INPP4A: variants seen among roughly 807,000 people sequenced by gnomAD.
INPP4A encodes inositol polyphosphate-4-phosphatase type I A.
INPP4A carries 33 observed loss-of-function variants against 119.8 expected under a neutral mutation model. That is an observed-to-expected ratio of 0.28 (90% CI 0.21 to 0.37). The LOEUF (loss-of-function observed/expected upper bound fraction) is 0.37, where lower values mean the gene tolerates loss of function less well. Among genes scored for constraint, INPP4A ranks in the 10% least tolerant of loss-of-function variants. The pLI is 1.00. For missense variants in INPP4A, 956 were observed against 1,289.9 expected (o/e 0.74, Z 3.97); for synonymous variants, 496 against 500.7 (o/e 0.99, Z 0.12).
intron 1 of INPP4A, among the ~76,000 whole-genome samples, chr2:98,445,995 C>T (rs1465880051): frequency 6.6e-6 from 1 of 152,136 alleles, no homozygotes; most frequent in Non-Finnish European, 1.5e-5. Context: ...GGTGGGGTGG[C>T]GATTTGGGTG....
Position 98,539,619 on chromosome 2 carries a change from C to G in INPP4A, c.762C>G (p.Leu254=). 6.2e-7 allele frequency: 1 copy of G among 1,611,816 alleles called. No homozygotes were observed. The highest frequency in any genetic ancestry group is 8.5e-7 in the Non-Finnish European group (1 of 1,178,920). ...RILEQMAESV[L]SLHVPRQFVK... ...TGGAGCAGATGGCAGAGAGCGTGCT[C>G]TCCCTGCACGTGCCCCGGCAGTTCG... The change falls in exon 10 of 25, where the codon CTC becomes CTG. Residue 254 remains leucine (L), a synonymous_variant. Transcript: ENST00000409851.
intron 1 of INPP4A, among the ~76,000 whole-genome samples, chr2:98,492,006 C>A (rs1680904451): frequency 6.6e-6 from 1 of 152,086 alleles, no homozygotes; most frequent in African/African-American, 2.4e-5. Context: ...TCTCATGCCT[C>A]AGCCTCTTGA....
Position 98,552,981 on chromosome 2 carries a change from G to A in INPP4A, c.1347+12G>A. ...TCTTGGCAGACAAGGTAGGAGGGGT[G>A]CCCTGCTACATATGGGCTGGGGAGT... On this transcript the variant is annotated intron_variant, in intron 14 of 24. Coordinates refer to ENST00000409851, the MANE Select transcript of INPP4A (RefSeq NM_001134225.2). The A allele has an allele frequency of 6.3e-7, 1 of 1,597,302 alleles. No individual in the cohort carries two copies. Among genetic ancestry groups the A allele is most frequent in the Non-Finnish European group, 8.5e-7 (1 of 1,169,890 alleles).
Position 98,546,111 on chromosome 2 carries a change from T to A in INPP4A, c.1054+38T>A, listed in dbSNP as rs1284103630. 1 of 1,393,548 alleles carries A rather than the reference T, an allele frequency of 7.2e-7. No individual in the cohort carries two copies. Among genetic ancestry groups the A allele is most frequent in the East Asian group, 2.5e-5 (1 of 40,268 alleles). The allele number at this position is 1,393,548 out of a possible 1,614,324, so 86.3% of individuals were successfully genotyped here. ...CTGCTCCCTCTTGTTGAATCACATTTCGCTGCTTTTCTCTGTGGGTACTTG... is the reference window on the plus strand; with the variant it reads ...CTGCTCCCTCTTGTTGAATCACATTACGCTGCTTTTCTCTGTGGGTACTTG... On this transcript the variant is annotated intron_variant, in intron 12 of 24. Coordinates refer to ENST00000409851, the MANE Select transcript of INPP4A (RefSeq NM_001134225.2). The surrounding 1 kb of genome is among the most constrained non-coding windows in gnomAD (Gnocchi z 4.2).
chr2:98,526,974 C>T (rs1688295738), intron 4 of INPP4A, among the ~76,000 whole-genome samples: 1 of 151,992 alleles, frequency 6.6e-6, no homozygotes, highest in South Asian at 2.1e-4. Context: ...GGGATTTGTC[C>T]CCCATTATCC....
chr2:98,536,772 A>G (rs1194504329), intron 7 of INPP4A, among the ~76,000 whole-genome samples: 8 of 152,214 alleles, frequency 5.3e-5, no homozygotes, highest in Admixed American at 5.2e-4. Flanking sequence ...GTGATCTGGG[A>G]AAGTAATCTA....
chr2:98,587,613 A>G lies in INPP4A; in HGVS notation c.*5A>G. The G allele has an allele frequency of 6.3e-7, 1 of 1,596,906 alleles. No homozygotes were observed. Among genetic ancestry groups the G allele is most frequent in the Non-Finnish European group, 8.5e-7 (1 of 1,174,690 alleles). On this transcript the variant is annotated 3_prime_UTR_variant, in exon 25 of 25. Transcript: ENST00000409851. ...TACGGAAAAGTTGAAACGTGAACAC[A>G]CGGTTTCCTCTAATTAGCTGTTACA...
intron 6 of INPP4A, 93 bp from the exon 7 acceptor site, chr2:98,536,036 G>A (rs1690206297): frequency 3.7e-6 from 3 of 813,170 alleles, no homozygotes; most frequent in East Asian, 5.2e-5. Flanking sequence ...AGGTGTTGTG[G>A]GAAGCAGTCA....
At position 98,570,893 on chromosome 2, in the gene INPP4A, T is replaced by G. The variant is rs1697325810; in HGVS notation, c.2519-1922T>G. Among the ~76,000 whole-genome samples the G allele has an allele frequency of 6.6e-6, 1 of 151,940 alleles. No homozygotes were observed. The highest frequency in any genetic ancestry group is 2.4e-5 in the African/African-American group (1 of 41,352). On this transcript the variant is annotated intron_variant, in intron 22 of 24. Transcript: ENST00000409851. This position sits in a 1 kb window ranked among gnomAD's most constrained non-coding sequence, Gnocchi z 4.3. ...GGGGAGTGGAGGTGACTGGCAGAGA[T>G]GCAGTTGGAGCCAGAGAGCCTGGAA...
intron 24 of INPP4A, among the ~76,000 whole-genome samples, chr2:98,578,177 C>T (rs1246772292): frequency 2.0e-5 from 3 of 152,192 alleles, no homozygotes; most frequent in African/African-American, 7.2e-5. Context: ...ACTCAAAGAC[C>T]GGTGCTCTGG....
chr2:98,538,325 C>A (rs1049626846), intron 8 of INPP4A, among the ~76,000 whole-genome samples: 1 of 152,182 alleles, frequency 6.6e-6, no homozygotes, highest in African/African-American at 2.4e-5. Context: ...GGTCATCTGT[C>A]CTGTTTTAAT....
chr2:98,514,732 A>G (rs1366374973), intron 1 of INPP4A, among the ~76,000 whole-genome samples: 1 of 152,162 alleles, frequency 6.6e-6, no homozygotes, highest in Admixed American at 6.5e-5. Flanking sequence ...CCTGGGCAAC[A>G]TAGTGAGACC....
chr2:98,580,785 C>G (rs1420038249), intron 24 of INPP4A, among the ~76,000 whole-genome samples: 1 of 152,248 alleles, frequency 6.6e-6, no homozygotes, highest in Non-Finnish European at 1.5e-5. Flanking sequence ...TTCTGTGTCA[C>G]TGCTGCCACT....
At position 98,554,590 on chromosome 2, in the gene INPP4A, A is replaced by G. The variant is rs955755202; in HGVS notation, c.1566+101A>G. The G allele has an allele frequency of 3.1e-6, 3 of 978,320 alleles. No individual in the cohort carries two copies. Among genetic ancestry groups the G allele is most frequent in the South Asian group, 3.2e-5 (2 of 62,620 alleles). 60.6% of individuals were successfully genotyped at this position (978,320 alleles called of 1,614,324 possible). On this transcript the variant is annotated intron_variant, in intron 15 of 24. Transcript: ENST00000409851. This position sits in a 1 kb window ranked among gnomAD's most constrained non-coding sequence, Gnocchi z 4.7. ...CCCCTCTGAAGTGCCTCAAGGTTCA[A>G]CTGCTGTGAACAAGCTCCAGGTTTC...
intron 24 of INPP4A, among the ~76,000 whole-genome samples, chr2:98,578,030 C>T (rs369160334): frequency 2.0e-4 from 30 of 152,306 alleles, no homozygotes; most frequent in African/African-American, 6.7e-4. Context: ...ACAAAAGCGA[C>T]GCGTGAGCTC....
chr2:98,584,474 C>G (rs1354162973), intron 24 of INPP4A, among the ~76,000 whole-genome samples: 5 of 152,258 alleles, frequency 3.3e-5, no homozygotes, highest in Non-Finnish European at 7.3e-5. Flanking sequence ...GTGGCACCCT[C>G]CAGGGACGCC....
chr2:98,592,510 C>T lies in INPP4A; in HGVS notation c.*4902C>T, dbSNP rs1357812528. On this transcript the variant is annotated 3_prime_UTR_variant, in exon 25 of 25. Transcript: ENST00000409851. ...TCTTCTCAGAGACCCTGGTTATTTC[C>T]AAAAGTAGGAAGTAATCAAATTTAC... 6.6e-6 allele frequency: 1 copy of T among 151,982 alleles called. No individual in the cohort carries two copies. The highest frequency in any genetic ancestry group is 1.5e-5 in the Non-Finnish European group (1 of 67,986). The allele number at this position is 151,982 out of a possible 1,614,324, so 9.4% of individuals were successfully genotyped here. A position where few individuals can be genotyped will look rare whatever the true frequency, so the allele number is the denominator to read the frequency against.
chr2:98,541,663 C>T (rs1213935695), intron 10 of INPP4A, among the ~76,000 whole-genome samples: 1 of 152,210 alleles, frequency 6.6e-6, no homozygotes, highest in Non-Finnish European at 1.5e-5. Flanking sequence ...CTCACTACAG[C>T]CTGAAACTCC....
Position 98,481,232 on chromosome 2 carries a change from C to T in INPP4A, c.-166+36147C>T, listed in dbSNP as rs373658071. 3.7e-4 allele frequency among the ~76,000 whole-genome samples: 56 copies of T among 152,268 alleles called. 1 individual carries two copies. The highest frequency in any genetic ancestry group is 1.3e-3 in the African/African-American group (54 of 41,538). On this transcript the variant is annotated intron_variant, in intron 1 of 24. Coordinates refer to ENST00000409851, the MANE Select transcript of INPP4A (RefSeq NM_001134225.2). The stretch of plus-strand genomic sequence containing the variant: ...CCTGCTGCCCATTGTAATCCCTCAC[C>T]CCACAGAGAGGCCAGGAAGTGAACA...
Sources: gnomAD v4.1 joint callset for allele counts (sites outside exome capture counted in the v4.1 genomes callset) on GRCh38, gnomAD v4.1.1 for gene constraint, Gnocchi (gnomAD v3.1) non-coding constraint, MANE v1.5 for transcripts, NCBI Gene and HGNC (gene_info 2026-07-23, HGNC 2026-07-21) for gene names.